Variants in PCDH11X observed in about 807,000 individuals in gnomAD.
PCDH11X encodes protocadherin-11 X-linked.
PCDH11X carries 18 observed loss-of-function variants against 53.3 expected under a neutral mutation model. The ratio of observed to expected loss-of-function variants is 0.34; its 90% CI spans 0.23 to 0.50. PCDH11X has a LOEUF of 0.50. Among genes scored for constraint, PCDH11X ranks in the 20% least tolerant of loss-of-function variants. PCDH11X has a pLI of 0.98. For synonymous variants in PCDH11X, 279 were observed against 393.3 expected, an observed-to-expected ratio of 0.71 and a Z score of 3.44; for missense variants, 570 against 1,032.4, an observed-to-expected ratio of 0.55 and a Z score of 6.14.
At chrX:92,603,905 TAATG>T (rs769484842) in intron 10 of PCDH11X, among the ~76,000 whole-genome samples, 73 of 106,956 alleles carry the variant, frequency 6.8e-4, no homozygotes, top group African/African-American at 2.2e-3. Context: ...TTTCTCCTCT[TAATG>T]AATTTGAAAA....
intron 7 of PCDH11X, among the ~76,000 whole-genome samples, chrX:92,236,295 G>A (rs938087384): frequency 5.4e-5 from 6 of 110,908 alleles, no homozygotes; most frequent in Non-Finnish European, 1.1e-4. Flanking sequence ...CTCAGAGATA[G>A]GGAAGCAGAT....
At chrX:92,129,964 G>A (rs1052875743) in intron 6 of PCDH11X, among the ~76,000 whole-genome samples, 4 of 110,521 alleles carry the variant, frequency 3.6e-5, no homozygotes, top group Non-Finnish European at 7.5e-5. Flanking sequence ...GCTTATATGC[G>A]CACACGCACA....
At chrX:92,540,788 G>GA (rs2074742917) in intron 10 of PCDH11X, among the ~76,000 whole-genome samples, 1 of 106,742 alleles carries the variant, frequency 9.4e-6, no homozygotes, top group Non-Finnish European at 1.9e-5. Context: ...TATCAGAAGT[G>GA]TTTTTTTCCC....
intron 6 of PCDH11X, among the ~76,000 whole-genome samples, chrX:91,921,033 G>A (rs1341562497): frequency 8.9e-6 from 1 of 111,771 alleles, no homozygotes; most frequent in Non-Finnish European, 1.9e-5. Flanking sequence ...ATTCAAAAAA[G>A]TAATAATAAC....
At chrX:92,555,720 A>G (rs2075036216) in intron 10 of PCDH11X, among the ~76,000 whole-genome samples, 1 of 111,023 alleles carries the variant, frequency 9.0e-6, no homozygotes, top group African/African-American at 3.3e-5. Flanking sequence ...CTTCTATTCA[A>G]TTTTAGAAAG....
chrX:92,395,857 AGT>A (rs1234572896), intron 9 of PCDH11X, among the ~76,000 whole-genome samples: 3 of 109,610 alleles, frequency 2.7e-5, no homozygotes, highest in African/African-American at 9.9e-5. Flanking sequence ...ATGAGAGAAA[AGT>A]AGTATAAAAT....
At chrX:92,581,551 C>T (rs1355350550) in intron 10 of PCDH11X, among the ~76,000 whole-genome samples, 7 of 111,879 alleles carry the variant, frequency 6.3e-5, no homozygotes, top group African/African-American at 1.6e-4. Context: ...TCCCCAGCCA[C>T]GTGAACTGTG....
intron 8 of PCDH11X, among the ~76,000 whole-genome samples, chrX:92,293,390 C>A (rs1440293138): frequency 9.1e-6 from 1 of 109,824 alleles, no homozygotes. Context: ...TTTGGGAGGC[C>A]AAGGCGGGCA....
chrX:91,961,002 T>C (rs1357305880), intron 6 of PCDH11X, among the ~76,000 whole-genome samples: 3 of 94,830 alleles, frequency 3.2e-5, no homozygotes, highest in Non-Finnish European at 4.2e-5. Context: ...TTTTGCAATA[T>C]ACTTTGAAAT....
intron 10 of PCDH11X, among the ~76,000 whole-genome samples, chrX:92,470,517 T>C (rs2073240580): frequency 9.3e-6 from 1 of 107,985 alleles, no homozygotes; most frequent in Admixed American, 1.0e-4. Flanking sequence ...GTCCTCCTTA[T>C]CATGTTCCAG....
intron 6 of PCDH11X, among the ~76,000 whole-genome samples, chrX:92,078,623 T>G (rs2148095269): frequency 9.0e-6 from 1 of 110,969 alleles, no homozygotes; most frequent in East Asian, 2.9e-4. Context: ...ATTAAAATTT[T>G]GCTCAGCTGA....
chrX:92,298,279 G>A (rs951970720), intron 8 of PCDH11X, among the ~76,000 whole-genome samples: 4 of 111,657 alleles, frequency 3.6e-5, no homozygotes, highest in African/African-American at 6.5e-5. Context: ...TGTTGGCTGC[G>A]GATTTGTCAT....
At chrX:92,023,002 G>A (rs762402158) in intron 6 of PCDH11X, among the ~76,000 whole-genome samples, 1 of 110,534 alleles carries the variant, frequency 9.0e-6, no homozygotes, top group South Asian at 4.0e-4. Context: ...AGAATCTCTT[G>A]GACACAGCTA....
intron 7 of PCDH11X, among the ~76,000 whole-genome samples, chrX:92,235,477 T>G (rs1336733689): frequency 2.7e-5 from 3 of 111,442 alleles, no homozygotes; most frequent in Non-Finnish European, 5.7e-5. Context: ...GAAAGCCCAC[T>G]CTCTCTTTTA....
intron 5 of PCDH11X, among the ~76,000 whole-genome samples, chrX:91,837,973 C>T (rs1450520909): frequency 8.9e-6 from 1 of 111,899 alleles, no homozygotes; most frequent in African/African-American, 3.2e-5. Flanking sequence ...AAATAAAAAA[C>T]GTTTATTTGG....
At chrX:92,302,339 G>A (rs1043523687) in intron 8 of PCDH11X, among the ~76,000 whole-genome samples, 15 of 110,659 alleles carry the variant, frequency 1.4e-4, no homozygotes, top group Non-Finnish European at 2.6e-4. Flanking sequence ...GTCTTCATAC[G>A]AATACCACAG....
intron 10 of PCDH11X, chrX:92,515,585 C>T (rs184205256): frequency 3.4e-4 from 42 of 123,321 alleles, no homozygotes; most frequent in Admixed American, 1.8e-4. Context: ...TTACCGCTAA[C>T]GCATTACCAG....
At position 92,087,827 on chromosome X, in the gene PCDH11X, C is replaced by T. The variant is rs1335449275; in HGVS notation, c.3034-113548C>T. 4.6e-5 allele frequency among the ~76,000 whole-genome samples: 5 copies of T among 108,525 alleles called. No homozygotes were observed. In the East Asian group the frequency reaches 8.6e-4, roughly 19 times the overall value. The allele number at this position is 108,525 out of a possible 115,157, so 94.2% of individuals were successfully genotyped here. A position where few individuals can be genotyped will look rare whatever the true frequency, so the allele number is the denominator to read the frequency against. On this transcript the variant is annotated intron_variant, in intron 6 of 10. Coordinates refer to ENST00000682573, the MANE Select transcript of PCDH11X (RefSeq NM_032968.5). ...TCATTTTGCCCTCCAAATATGTACT[C>T]GTAATGGCAAATAATGAGTTATGCT...
chrX:91,967,809 G>A (rs1315718468), intron 6 of PCDH11X, among the ~76,000 whole-genome samples: 1 of 111,885 alleles, frequency 8.9e-6, no homozygotes, highest in Non-Finnish European at 1.9e-5. Flanking sequence ...TATATTAGCA[G>A]GAACAACTTA....
Sources: gnomAD v4.1 joint callset for allele counts (sites outside exome capture counted in the v4.1 genomes callset) on GRCh38, gnomAD v4.1.1 for gene constraint, MANE v1.5 for transcripts, NCBI Gene and HGNC (gene_info 2026-07-23, HGNC 2026-07-21) for gene names.